Variants in PDE11A observed in about 807,000 individuals in gnomAD.
PDE11A encodes dual 3',5'-cyclic-AMP and -GMP phosphodiesterase 11A.
Under a neutral mutation model 100.5 loss-of-function variants are expected in PDE11A, and 100 were observed. The ratio of observed to expected loss-of-function variants is 1.00; its 90% CI spans 0.85 to 1.18. The LOEUF is 1.18. Among genes scored for constraint, PDE11A ranks in the 50% most tolerant of loss-of-function variants. The pLI is 0.00. For synonymous variants in PDE11A, 381 were observed against 420.8 expected (o/e 0.91, Z 1.16); for missense variants, 1,141 against 1,152.6 (o/e 0.99, Z 0.15).
chr2:177,979,736 G>A (rs891862373), intron 2 of PDE11A, among the ~76,000 whole-genome samples: 13 of 146,264 alleles, frequency 8.9e-5, no homozygotes, highest in East Asian at 2.0e-4. Context: ...TCAGCCTCCC[G>A]CGTAGCTGGG....
At position 177,701,114 on chromosome 2, in the gene PDE11A, C is replaced by G. The variant is rs570580866; in HGVS notation, c.2244+7G>C. The G allele has an allele frequency of 1.3e-6, 2 of 1,489,954 alleles. No individual in the cohort carries two copies. Among genetic ancestry groups the G allele is most frequent in the Non-Finnish European group, 1.9e-6 (2 of 1,066,736 alleles). The allele number at this position is 1,489,954 out of a possible 1,614,324, so 92.3% of individuals were successfully genotyped here. ...TTAAGGGGAGAAGCAGAACATCAGGCCTGTACCTCACTTTGAAGGATCATC... is the reference window on the plus strand; with the variant it reads ...TTAAGGGGAGAAGCAGAACATCAGGGCTGTACCTCACTTTGAAGGATCATC... On this transcript the variant is annotated splice_region_variant and intron_variant, in intron 14 of 19. Transcript: ENST00000286063.
chr2:178,071,987 T>C lies in PDE11A; in HGVS notation c.451A>G (p.Ser151Gly). The C allele has an allele frequency of 3.7e-6, 6 of 1,614,038 alleles. No individual in the cohort carries two copies. The highest frequency in any genetic ancestry group is 5.1e-6 in the Non-Finnish European group (6 of 1,179,932). Residue 151 changes from serine to glycine, a missense_variant, in exon 1 of 20, where the codon AGT becomes GGT. Transcript: ENST00000286063. ...VTSRAQEPLS[S>G]VRRRALLRKA... ...CGGAGAAGTGCCCTCCGTCGTACAC[T>C]ACTCAGGGGTTCCTGAGCCCGGGAG...
chr2:177,778,984 A>G (rs550830083), intron 9 of PDE11A, among the ~76,000 whole-genome samples: 2 of 152,302 alleles, frequency 1.3e-5, no homozygotes, highest in East Asian at 3.9e-4. Flanking sequence ...AGTAGAATAA[A>G]AGATACCTGC....
At chr2:177,992,400 A>G (rs1451052282) in intron 2 of PDE11A, among the ~76,000 whole-genome samples, 1 of 144,494 alleles carries the variant, frequency 6.9e-6, no homozygotes, top group East Asian at 2.0e-4. Context: ...AAACGCCTGC[A>G]TCAAAAACAC....
intron 1 of PDE11A, among the ~76,000 whole-genome samples, chr2:178,060,834 T>C (rs2086959550): frequency 2.0e-5 from 3 of 151,962 alleles, no homozygotes; most frequent in Non-Finnish European, 4.4e-5. Context: ...ATTATTATTA[T>C]AGATAATACT....
chr2:177,690,873 C>G (rs7569984), intron 15 of PDE11A, among the ~76,000 whole-genome samples: 14,347 of 152,268 alleles, frequency 0.094, 2,244 homozygotes, highest in African/African-American at 0.32. Context: ...TCACAGACAA[C>G]TTAGTGACTT....
chr2:177,819,488 C>G (rs1376399136), intron 7 of PDE11A, among the ~76,000 whole-genome samples: 3 of 152,036 alleles, frequency 2.0e-5, no homozygotes, highest in Non-Finnish European at 4.4e-5. Context: ...CATGACTTCT[C>G]TATTTCAACC....
At chr2:177,925,939 C>A (rs567101003) in intron 2 of PDE11A, among the ~76,000 whole-genome samples, 3 of 152,304 alleles carry the variant, frequency 2.0e-5, no homozygotes, top group Admixed American at 6.5e-5. Context: ...ACAAGGCTAG[C>A]CAACTTTTCT....
At position 177,669,540 on chromosome 2, in the gene PDE11A, A is replaced by G. The variant is rs1265993805; in HGVS notation, c.2515T>C (p.Phe839Leu). The change falls in exon 18 of 20, where the codon TTC (phenylalanine) becomes CTC (leucine). Residue 839 changes from phenylalanine (F) to leucine (L), a missense_variant. Coordinates refer to ENST00000286063, the MANE Select transcript of PDE11A (RefSeq NM_016953.4). ...QVAELVTSEF[F>L]EQGDRERLEL... Reference sequence around the variant, plus strand: ...AATCTCTCCCGATCTCCTTGTTCGAAGAACTCACTGGTTACAAGTTCTGCC... The same window carrying G: ...AATCTCTCCCGATCTCCTTGTTCGAGGAACTCACTGGTTACAAGTTCTGCC... 6.8e-7 allele frequency: 1 copy of G among 1,480,098 alleles called. No individual in the cohort carries two copies. The highest frequency in any genetic ancestry group is 1.1e-5 in the South Asian group (1 of 88,396). The allele number at this position is 1,480,098 out of a possible 1,614,324, so 91.7% of individuals were successfully genotyped here.
At chr2:177,762,723 C>T (rs2082186030) in intron 10 of PDE11A, among the ~76,000 whole-genome samples, 1 of 152,162 alleles carries the variant, frequency 6.6e-6, no homozygotes, top group South Asian at 2.1e-4. Context: ...GCTCTTCCTC[C>T]CAGGGAAAGG....
chr2:177,742,531 T>A (rs769732894), intron 10 of PDE11A, among the ~76,000 whole-genome samples: 9 of 152,164 alleles, frequency 5.9e-5, no homozygotes, highest in Non-Finnish European at 1.0e-4. Context: ...CTCAGTTCAT[T>A]TGACAAATAC....
intron 1 of PDE11A, among the ~76,000 whole-genome samples, chr2:178,067,039 C>G (rs2087056447): frequency 6.6e-6 from 1 of 152,170 alleles, no homozygotes; most frequent in Non-Finnish European, 1.5e-5. Flanking sequence ...CATCACACTT[C>G]CTCATATCTC....
intron 9 of PDE11A, among the ~76,000 whole-genome samples, chr2:177,793,648 G>A (rs895521151): frequency 6.6e-6 from 1 of 151,512 alleles, no homozygotes; most frequent in Admixed American, 6.6e-5. Flanking sequence ...ATACACCAGA[G>A]ACCATCAAAA....
At chr2:177,940,091 G>A (rs2085328664) in intron 2 of PDE11A, among the ~76,000 whole-genome samples, 1 of 152,114 alleles carries the variant, frequency 6.6e-6, no homozygotes, top group African/African-American at 2.4e-5. Flanking sequence ...GATAACATGG[G>A]AGGAGGAGGA....
At chr2:177,815,911 G>A (rs1182676195) in intron 9 of PDE11A, among the ~76,000 whole-genome samples, 1 of 152,070 alleles carries the variant, frequency 6.6e-6, no homozygotes, top group Non-Finnish European at 1.5e-5. Context: ...GAAAATATTT[G>A]GTAAAATCTA....
intron 6 of PDE11A, among the ~76,000 whole-genome samples, chr2:177,835,959 G>A (rs2083391261): frequency 6.6e-6 from 1 of 152,234 alleles, no homozygotes; most frequent in Non-Finnish European, 1.5e-5. Flanking sequence ...CCTCCCCACT[G>A]CCGTGGGCTC....
intron 1 of PDE11A, among the ~76,000 whole-genome samples, chr2:178,032,873 A>C (rs540611395): frequency 6.6e-6 from 1 of 152,360 alleles, no homozygotes; most frequent in African/African-American, 2.4e-5. Flanking sequence ...ACCCCCACAC[A>C]AAAACCCCAT....
Position 177,761,691 on chromosome 2 carries a change from A to G in PDE11A, c.1788+7632T>C, listed in dbSNP as rs572813610. On this transcript the variant is annotated intron_variant, in intron 10 of 19. Coordinates refer to ENST00000286063, the MANE Select transcript of PDE11A (RefSeq NM_016953.4). Reference sequence around the variant, plus strand: ...AAGGGGCAGTTGAGAAGGGTCAGGTAGATTGTTAGCGATTTATATATACAG... The same window carrying G: ...AAGGGGCAGTTGAGAAGGGTCAGGTGGATTGTTAGCGATTTATATATACAG... Among the ~76,000 whole-genome samples the G allele has an allele frequency of 1.3e-4, 20 of 152,316 alleles. No individual in the cohort carries two copies. The South Asian group carries it at 3.5e-3, about 27-fold the overall frequency.
chr2:177,715,642 T>C (rs1293117015), intron 12 of PDE11A, among the ~76,000 whole-genome samples: 2 of 152,184 alleles, frequency 1.3e-5, no homozygotes, highest in East Asian at 3.8e-4. Flanking sequence ...GTTTAGTTTA[T>C]AAAAATTTTC....
Sources: allele counts gnomAD v4.1 joint callset (sites outside exome capture counted in the v4.1 genomes callset), GRCh38; gene constraint gnomAD v4.1.1; transcripts MANE v1.5; gene names NCBI Gene and HGNC (gene_info 2026-07-23, HGNC 2026-07-21).